The following GPR149 variants were observed in gnomAD, a reference collection of about 807,000 sequenced individuals.
GPR149 encodes probable G protein-coupled receptor 149.
A neutral mutation model predicts 50.2 loss-of-function variants in GPR149; 50 were observed. That is an observed-to-expected ratio of 1.00 (90% CI 0.79 to 1.26). The LOEUF (loss-of-function observed/expected upper bound fraction) is 1.26. GPR149 is among the 50% of genes most tolerant of loss of function. The probability of loss-of-function intolerance (pLI) is 0.00; values close to 1 mark genes in which losing one functional copy is unlikely to be tolerated. For synonymous variants in GPR149, 405 were observed against 358.2 expected, an observed-to-expected ratio of 1.13 and a Z score of -1.48; for missense variants, 983 against 895.4, an observed-to-expected ratio of 1.10 and a Z score of -1.25.
rs116008207 is a variant in GPR149 at position 154,358,354 on chromosome 3, G to C, written c.1624-20083C>G. Among the ~76,000 whole-genome samples the C allele has an allele frequency of 7.3e-3, 1,109 of 152,216 alleles. 11 individuals are homozygous for C. The highest frequency in any genetic ancestry group is 0.026 in the African/African-American group (1,071 of 41,538). On this transcript the variant is annotated intron_variant, in intron 3 of 3. Coordinates refer to ENST00000389740, the MANE Select transcript of GPR149 (RefSeq NM_001038705.3). ...AAATAAACCCCAAAGTATCTCTTAT[G>C]TCTTCCTATTCCAACATTCTATGGC...
rs114404787 is a variant in GPR149, at chr3:154,416,141, G to T, written c.1623+4898C>A. On this transcript the variant is annotated intron_variant, in intron 3 of 3. Coordinates refer to ENST00000389740, the MANE Select transcript of GPR149 (RefSeq NM_001038705.3). ...AGAAAAGATGCACAGTTTTTAGGAA[G>T]AGGAAAAAGATACCCGTATTGAGTA... Among the ~76,000 whole-genome samples, 381 of 151,940 alleles carry T rather than the reference G, an allele frequency of 2.5e-3. 1 individual carries two copies. Among genetic ancestry groups the T allele is most frequent in the African/African-American group, 8.8e-3 (364 of 41,518 alleles).
At chr3:154,362,829 A>T (rs1714444841) in intron 3 of GPR149, among the ~76,000 whole-genome samples, 1 of 152,194 alleles carries the variant, frequency 6.6e-6, no homozygotes, top group Non-Finnish European at 1.5e-5. Flanking sequence ...TTTTTCCCAA[A>T]CAAACACTAT....
intron 3 of GPR149, among the ~76,000 whole-genome samples, chr3:154,380,474 A>G (rs576274915): frequency 2.0e-5 from 3 of 152,138 alleles, no homozygotes; most frequent in Non-Finnish European, 4.4e-5. Flanking sequence ...AAAGGCACAA[A>G]CCATATTTTG....
At chr3:154,385,100 A>G (rs1410024766) in intron 3 of GPR149, among the ~76,000 whole-genome samples, 2 of 152,214 alleles carry the variant, frequency 1.3e-5, no homozygotes, top group Admixed American at 6.5e-5. Context: ...GTGTGAGTGC[A>G]TAGCTGAGCT....
chr3:154,362,068 T>C (rs1224194909), intron 3 of GPR149, among the ~76,000 whole-genome samples: 1 of 152,046 alleles, frequency 6.6e-6, no homozygotes, highest in Admixed American at 6.6e-5. Context: ...GACAGGTGGA[T>C]CATGAGGTCA....
chr3:154,364,096 C>G (rs1714476430), intron 3 of GPR149, among the ~76,000 whole-genome samples: 1 of 152,174 alleles, frequency 6.6e-6, no homozygotes. Flanking sequence ...ACCACTCCCT[C>G]CTACTAACCA....
At chr3:154,365,316 G>A (rs1038654787) in intron 3 of GPR149, among the ~76,000 whole-genome samples, 7 of 152,132 alleles carry the variant, frequency 4.6e-5, no homozygotes, top group Non-Finnish European at 1.0e-4. Context: ...CTGCCTTCAA[G>A]TCTCTGGTAT....
At position 154,404,856 on chromosome 3, in the gene GPR149, T is replaced by TATCATC. The variant is rs1553766232; in HGVS notation, c.1623+16177_1623+16182dup. The stretch of plus-strand genomic sequence containing the variant: ...TAGCAAGTATTCAATAAATACTAGC[T>TATCATC]ATCATCATCATCATCATCAGCAGCA... On this transcript the variant is annotated intron_variant, in intron 3 of 3. Coordinates refer to ENST00000389740, the MANE Select transcript of GPR149 (RefSeq NM_001038705.3). 8.7e-4 allele frequency among the ~76,000 whole-genome samples: 123 copies of TATCATC among 140,610 alleles called. 2 individuals carry two copies. The highest frequency in any genetic ancestry group is 2.9e-3 in the South Asian group (12 of 4,136). 92.2% of individuals were successfully genotyped at this position (140,610 alleles called of 152,430 possible). A position where few individuals can be genotyped will look rare whatever the true frequency, so the allele number is the denominator to read the frequency against.
intron 3 of GPR149, among the ~76,000 whole-genome samples, chr3:154,347,039 C>A (rs1462318989): frequency 1.3e-5 from 2 of 152,146 alleles, no homozygotes; most frequent in Non-Finnish European, 2.9e-5. Flanking sequence ...TATGCACTTT[C>A]TTATTTAATA....
intron 3 of GPR149, among the ~76,000 whole-genome samples, chr3:154,356,814 A>T (rs1409561878): frequency 1.3e-5 from 2 of 152,200 alleles, no homozygotes; most frequent in African/African-American, 4.8e-5. Flanking sequence ...CTTTCTTCAC[A>T]GAATTGGAAA....
intron 3 of GPR149, among the ~76,000 whole-genome samples, chr3:154,396,567 T>C (rs780115140): frequency 9.2e-5 from 14 of 152,092 alleles, no homozygotes; most frequent in Non-Finnish European, 1.8e-4. Context: ...TTTGGTAGGG[T>C]ATCATTTTTA....
intron 3 of GPR149, chr3:154,352,250 T>G (rs888109710): frequency 2.1e-5 from 18 of 859,658 alleles, no homozygotes; most frequent in African/African-American, 5.1e-5. Flanking sequence ...GTCTACCTGA[T>G]AGGCCACCAG....
chr3:154,403,824 T>G (rs1180388690), intron 3 of GPR149, among the ~76,000 whole-genome samples: 3 of 152,134 alleles, frequency 2.0e-5, no homozygotes, highest in African/African-American at 7.2e-5. Context: ...TAAATATGAT[T>G]TAGGTGGCAC....
chr3:154,342,357 A>G (rs1248501960), intron 3 of GPR149, among the ~76,000 whole-genome samples: 1 of 152,250 alleles, frequency 6.6e-6, no homozygotes, highest in Admixed American at 6.5e-5. Flanking sequence ...AAACAATTAA[A>G]GAAAAATGGA....
intron 3 of GPR149, among the ~76,000 whole-genome samples, chr3:154,348,223 T>C (rs188189331): frequency 6.0e-4 from 91 of 152,324 alleles, no homozygotes; most frequent in Non-Finnish European, 2.2e-4. Context: ...TAAAACTTGA[T>C]TTCTACAATC....
chr3:154,354,759 T>C, intron 3 of GPR149: 1 of 729,854 alleles, frequency 1.4e-6, no homozygotes. Flanking sequence ...CCAAGGGTGT[T>C]TTCAGCTCCA....
Position 154,421,047 on chromosome 3 carries a change from G to T in GPR149, c.1615C>A (p.Pro539Thr), listed in dbSNP as rs768518352. ...AACAACTTTTACTGTACCTGACGAGGGGTTCTTTCTGATTTACTCCTACAC... is the reference window on the plus strand; with the variant it reads ...AACAACTTTTACTGTACCTGACGAGTGGTTCTTTCTGATTTACTCCTACAC... ...EWCRSKSERT[P>T]RQRSGYALAI... is the part of the protein sequence containing the mutation. The change falls in exon 3 of 4, where the codon CCT becomes ACT. Residue 539 changes from proline to threonine, a missense_variant. Pro to Thr is a conservative substitution (Grantham distance 38). Coordinates refer to ENST00000389740, the MANE Select transcript of GPR149 (RefSeq NM_001038705.3). 6.2e-7 allele frequency: 1 copy of T among 1,600,336 alleles called. No homozygotes were observed. The highest frequency in any genetic ancestry group is 1.1e-5 in the South Asian group (1 of 88,606).
chr3:154,416,270 A>G (rs1711985031), intron 3 of GPR149, among the ~76,000 whole-genome samples: 1 of 151,902 alleles, frequency 6.6e-6, no homozygotes, highest in Non-Finnish European at 1.5e-5. Flanking sequence ...TAGAATCTAA[A>G]GCAGCACTTT....
chr3:154,391,613 C>G lies in GPR149; in HGVS notation c.1623+29426G>C, dbSNP rs1576918933. Among the ~76,000 whole-genome samples, 4 of 151,610 alleles carry G rather than the reference C, an allele frequency of 2.6e-5. 1 individual carries two copies. The East Asian group carries it at 7.7e-4, about 29-fold the overall frequency. ...ATCAAAAGGAAGTACATTAATTACT[C>G]TAAATATAAAGGGATTAAACTCCTC... is the stretch of plus-strand genomic sequence containing the variant. On this transcript the variant is annotated intron_variant, in intron 3 of 3. Transcript: ENST00000389740.
Sources: gnomAD v4.1 joint callset for allele counts (sites outside exome capture counted in the v4.1 genomes callset) on GRCh38, gnomAD v4.1.1 for gene constraint, MANE v1.5 for transcripts, NCBI Gene and HGNC (gene_info 2026-07-23, HGNC 2026-07-21) for gene names.